Variants in ATRN observed in about 807,000 individuals in gnomAD.
ATRN encodes the protein attractin-2.
Under a neutral mutation model 178.7 loss-of-function variants are expected in ATRN, and 54 were observed. The ratio of observed to expected loss-of-function variants is 0.30; its 90% confidence interval spans 0.24 to 0.38. The LOEUF (loss-of-function observed/expected upper bound fraction) is 0.38. ATRN is among the 10% of genes least tolerant of loss of function. The probability of loss-of-function intolerance (pLI) is 1.00; values close to 1 mark genes in which losing one functional copy is unlikely to be tolerated. For missense variants in ATRN, 1,443 were observed against 1,815.1 expected, an observed-to-expected ratio of 0.79 and a Z score of 3.73; for synonymous variants, 636 against 663.0, an observed-to-expected ratio of 0.96 and a Z score of 0.63.
chr20:3,589,336 A>C (rs552410598), intron 18 of ATRN, among the ~76,000 whole-genome samples: 27 of 151,852 alleles, frequency 1.8e-4, no homozygotes, highest in African/African-American at 6.0e-4. Context: ...CTTTAGCAAT[A>C]TGTAGTCTCC....
rs560621889 is a variant in ATRN, at chr20:3,587,610, C to T, written c.3184+2730C>T. ...AATGTTTCTCCTTTTGCCAATATTACACTGTTTTGATTACTGTGGCTTTGT... is the reference window on the plus strand; with the variant it reads ...AATGTTTCTCCTTTTGCCAATATTATACTGTTTTGATTACTGTGGCTTTGT... On this transcript the variant is annotated intron_variant, in intron 18 of 28. Transcript: ENST00000262919. 3.9e-5 allele frequency among the ~76,000 whole-genome samples: 6 copies of T among 152,100 alleles called. No homozygotes were observed. In the South Asian group the frequency reaches 6.2e-4, roughly 16 times the overall value.
chr20:3,500,787 GTAAC>G (rs2084952084), intron 1 of ATRN, among the ~76,000 whole-genome samples: 1 of 151,766 alleles, frequency 6.6e-6, no homozygotes, highest in Non-Finnish European at 1.5e-5. Context: ...GTATACATAT[GTAAC>G]TAACTTGCAC....
intron 1 of ATRN, among the ~76,000 whole-genome samples, chr20:3,510,597 GT>G (rs1291849689): frequency 6.6e-6 from 1 of 151,620 alleles, no homozygotes; most frequent in Non-Finnish European, 1.5e-5. Context: ...CTTATTTTGC[GT>G]TTGTTTTGTT....
chr20:3,476,344 T>C (rs745986324), intron 1 of ATRN, among the ~76,000 whole-genome samples: 2 of 152,236 alleles, frequency 1.3e-5, no homozygotes, highest in Non-Finnish European at 2.9e-5. Context: ...CAAACCTGTG[T>C]TCTTTTTATT....
intron 28 of ATRN, 56 bp downstream of exon 28, chr20:3,644,324 A>G (rs2087091468): frequency 7.2e-7 from 1 of 1,397,266 alleles, no homozygotes; most frequent in South Asian, 1.2e-5. Context: ...GGAGCTAAGC[A>G]TGGGATACTT....
intron 1 of ATRN, among the ~76,000 whole-genome samples, chr20:3,492,993 A>G (rs1182351445): frequency 2.0e-5 from 3 of 146,940 alleles, no homozygotes; most frequent in Non-Finnish European, 4.5e-5. Flanking sequence ...ATAATTATCT[A>G]TAATTATGTA....
At chr20:3,480,152 A>G (rs944036908) in intron 1 of ATRN, among the ~76,000 whole-genome samples, 14 of 152,160 alleles carry the variant, frequency 9.2e-5, no homozygotes, top group African/African-American at 3.1e-4. Context: ...CTTCCCAACA[A>G]TCTCCAGCTT....
chr20:3,622,149 A>T (rs572595514), intron 24 of ATRN, among the ~76,000 whole-genome samples: 1 of 152,366 alleles, frequency 6.6e-6, no homozygotes, highest in South Asian at 2.1e-4. Flanking sequence ...CAGAAATCTG[A>T]TAGCTCCATC....
At chr20:3,630,615 C>T (rs918060692) in intron 25 of ATRN, among the ~76,000 whole-genome samples, 6 of 152,122 alleles carry the variant, frequency 3.9e-5, no homozygotes, top group Non-Finnish European at 5.9e-5. Context: ...TGGTGAGGAC[C>T]GGCCACTTCT....
At chr20:3,574,944 A>G (rs1255247983) in intron 12 of ATRN, among the ~76,000 whole-genome samples, 3 of 140,182 alleles carry the variant, frequency 2.1e-5, no homozygotes, top group East Asian at 2.2e-4. Flanking sequence ...ATGAGACAAC[A>G]TGGTTGTGCA....
At chr20:3,543,918 C>T (rs1169960013) in intron 3 of ATRN, among the ~76,000 whole-genome samples, 1 of 151,870 alleles carries the variant, frequency 6.6e-6, no homozygotes, top group African/African-American at 2.4e-5. Context: ...CCTGTAGTCC[C>T]AGTCACTCAG....
In ATRN at chr20:3,598,019, T is replaced by G. The variant is rs2086555369; in HGVS notation, c.3564+19T>G. 6.5e-7 allele frequency: 1 copy of G among 1,526,776 alleles called. No individual in the cohort carries two copies. Among genetic ancestry groups the G allele is most frequent in the South Asian group, 1.1e-5 (1 of 88,744 alleles). The allele number at this position is 1,526,776 out of a possible 1,614,324, so 94.6% of individuals were successfully genotyped here. On this transcript the variant is annotated intron_variant, in intron 22 of 28. Coordinates refer to ENST00000262919, the MANE Select transcript of ATRN (RefSeq NM_139321.3). ...TGACGAAGTAAGATTTTTTAAAGTCTTCCTATTTTGTTTTGAATTTGTATG... is the reference window on the plus strand; with the variant it reads ...TGACGAAGTAAGATTTTTTAAAGTCGTCCTATTTTGTTTTGAATTTGTATG...
At chr20:3,625,488 T>G (rs1425735810) in intron 25 of ATRN, among the ~76,000 whole-genome samples, 1 of 152,238 alleles carries the variant, frequency 6.6e-6, no homozygotes, top group Non-Finnish European at 1.5e-5. Flanking sequence ...TTGCCATGTT[T>G]TGGCTTTTTA....
intron 1 of ATRN, among the ~76,000 whole-genome samples, chr20:3,485,423 C>G (rs977805567): frequency 2.0e-5 from 3 of 151,912 alleles, no homozygotes; most frequent in African/African-American, 4.8e-5. Flanking sequence ...GGAATAGTTC[C>G]CTGCACATAG....
At chr20:3,502,426 T>C (rs2084977041) in intron 1 of ATRN, among the ~76,000 whole-genome samples, 2 of 152,116 alleles carry the variant, frequency 1.3e-5, no homozygotes, top group African/African-American at 2.4e-5. Context: ...AAGAACAACA[T>C]AGTCGTAGAG....
chr20:3,495,683 G>A (rs528105628), intron 1 of ATRN, among the ~76,000 whole-genome samples: 80 of 151,846 alleles, frequency 5.3e-4, no homozygotes, highest in African/African-American at 1.8e-3. Context: ...AATATGACTT[G>A]TTCACAGAGC....
chr20:3,483,609 A>G (rs1361000035), intron 1 of ATRN, among the ~76,000 whole-genome samples: 1 of 152,130 alleles, frequency 6.6e-6, no homozygotes, highest in Non-Finnish European at 1.5e-5. Flanking sequence ...GGGCTCTCAG[A>G]GTGCTGGGAT....
intron 18 of ATRN, among the ~76,000 whole-genome samples, chr20:3,585,758 C>T (rs181381425): frequency 6.6e-6 from 1 of 152,198 alleles, no homozygotes; most frequent in Admixed American, 6.5e-5. Context: ...AGAAAGACAA[C>T]CCAATTAAGA....
At chr20:3,500,763 C>T (rs544597661) in intron 1 of ATRN, among the ~76,000 whole-genome samples, 390 of 151,194 alleles carry the variant, frequency 2.6e-3, no homozygotes, top group Non-Finnish European at 3.6e-3. Context: ...GTGCAGCGCA[C>T]CAGCATGGCA....
Sources: allele counts gnomAD v4.1 joint callset (sites outside exome capture counted in the v4.1 genomes callset), GRCh38; gene constraint gnomAD v4.1.1; transcripts MANE v1.5; gene names NCBI Gene and HGNC (gene_info 2026-07-23, HGNC 2026-07-21).